Variants in DCC observed in about 807,000 individuals in gnomAD.
DCC encodes netrin receptor DCC.
DCC carries 58 observed loss-of-function variants against 172.5 expected under a neutral mutation model. The observed-to-expected ratio is 0.34, with a 90% CI of 0.27 to 0.42. DCC has a LOEUF of 0.42. Among genes scored for constraint, DCC ranks in the 10% least tolerant of loss-of-function variants. DCC has a pLI of 1.00. For synonymous variants in DCC, 709 were observed against 644.5 expected (o/e 1.10, Z -1.52); for missense variants, 1,740 against 1,791.0 (o/e 0.97, Z 0.51).
chr18:52,970,157 C>T (rs995445636), intron 5 of DCC, among the ~76,000 whole-genome samples: 1 of 152,016 alleles, frequency 6.6e-6, no homozygotes, highest in African/African-American at 2.4e-5. Flanking sequence ...TACTTAAATA[C>T]ACTGAATCTG....
intron 1 of DCC, among the ~76,000 whole-genome samples, chr18:52,559,988 T>C (rs1472155839): frequency 6.6e-6 from 1 of 152,228 alleles, no homozygotes; most frequent in Non-Finnish European, 1.5e-5. Flanking sequence ...ACTTAAAGAT[T>C]TTTTACATTG....
At chr18:52,642,451 G>T (rs2034927866) in intron 1 of DCC, among the ~76,000 whole-genome samples, 2 of 151,998 alleles carry the variant, frequency 1.3e-5, no homozygotes, top group African/African-American at 2.4e-5. Flanking sequence ...AACACCACCT[G>T]TTCCCCAATA....
chr18:53,260,397 C>G (rs540990938), intron 12 of DCC, among the ~76,000 whole-genome samples: 1 of 152,168 alleles, frequency 6.6e-6, no homozygotes, highest in Non-Finnish European at 1.5e-5. Flanking sequence ...GATGTCCTTT[C>G]TGTTTGTTAA....
intron 7 of DCC, among the ~76,000 whole-genome samples, chr18:53,126,236 G>C (rs2043554544): frequency 6.6e-6 from 1 of 152,052 alleles, no homozygotes; most frequent in South Asian, 2.1e-4. Context: ...AGTAACATAA[G>C]ACTTCTTGTT....
intron 7 of DCC, among the ~76,000 whole-genome samples, chr18:53,101,827 ATTT>A (rs2043176566): frequency 1.5e-5 from 2 of 136,214 alleles, no homozygotes; most frequent in African/African-American, 2.9e-5. Context: ...GTGTGTGTGT[ATTT>A]GTGTGTGTGT....
chr18:53,247,002 A>G (rs190983241), intron 12 of DCC, among the ~76,000 whole-genome samples: 16 of 152,164 alleles, frequency 1.1e-4, no homozygotes, highest in Admixed American at 9.8e-4. Flanking sequence ...GTTCTAAGTA[A>G]AGGAAACATT....
chr18:52,653,508 A>T (rs1360874358), intron 1 of DCC, among the ~76,000 whole-genome samples: 2 of 152,184 alleles, frequency 1.3e-5, no homozygotes, highest in Admixed American at 1.3e-4. Flanking sequence ...AATTACATCG[A>T]TGAATAATTG....
In DCC at chr18:53,521,495, T is replaced by C. The variant is rs566424250; in HGVS notation, c.4112-5122T>C. ...ATGCCTAGGAATTCATTTCTCTGCA[T>C]GTAAAACTGACAAAAAAATTGTGAT... On this transcript the variant is annotated intron_variant, in intron 27 of 28. Coordinates refer to ENST00000442544, the MANE Select transcript of DCC (RefSeq NM_005215.4). Among the ~76,000 whole-genome samples the C allele has an allele frequency of 2.0e-5, 3 of 152,260 alleles. No homozygotes were observed. In the East Asian group the frequency reaches 5.8e-4, roughly 29 times the overall value.
At chr18:52,958,349 A>G (rs2040781892) in intron 5 of DCC, among the ~76,000 whole-genome samples, 1 of 152,222 alleles carries the variant, frequency 6.6e-6, no homozygotes, top group East Asian at 1.9e-4. Context: ...TGTAACCTGT[A>G]ATTATTAATA....
chr18:52,382,547 A>G (rs1027746139), intron 1 of DCC, among the ~76,000 whole-genome samples: 7 of 152,132 alleles, frequency 4.6e-5, no homozygotes, highest in Admixed American at 1.3e-4. Flanking sequence ...TTTGTGGACT[A>G]TTGCAAGTAT....
At chr18:52,843,660 A>G (rs140947403) in intron 2 of DCC, among the ~76,000 whole-genome samples, 38 of 152,274 alleles carry the variant, frequency 2.5e-4, no homozygotes, top group African/African-American at 8.4e-4. Flanking sequence ...TCACATCATT[A>G]TTTTTAAAAA....
intron 1 of DCC, among the ~76,000 whole-genome samples, chr18:52,356,002 C>G (rs1430568592): frequency 6.6e-6 from 1 of 152,140 alleles, no homozygotes; most frequent in Non-Finnish European, 1.5e-5. Context: ...CAGAAAGCTT[C>G]TTAGTCCAGG....
intron 1 of DCC, among the ~76,000 whole-genome samples, chr18:52,505,483 A>T (rs968280853): frequency 6.6e-6 from 1 of 152,218 alleles, no homozygotes. Context: ...CAAAATATGT[A>T]TTTAAAGAAA....
At chr18:52,652,516 G>A (rs926696314) in intron 1 of DCC, among the ~76,000 whole-genome samples, 2 of 152,056 alleles carry the variant, frequency 1.3e-5, no homozygotes, top group African/African-American at 2.4e-5. Context: ...ACAGAAAGTT[G>A]AGCATGACTC....
rs576591928 is a variant in DCC, at chr18:53,407,389, C to T, written c.2936-3063C>T. On this transcript the variant is annotated intron_variant, in intron 19 of 28. Coordinates refer to ENST00000442544, the MANE Select transcript of DCC (RefSeq NM_005215.4). ...AATAAAAAAGTAATAAGATATGGCT[C>T]CTGAACTAAAGAAATGTTTTTATCC... Among the ~76,000 whole-genome samples, 6 of 150,724 alleles carry T rather than the reference C, an allele frequency of 4.0e-5. No homozygotes were observed. In the South Asian group the frequency reaches 6.3e-4, roughly 16 times the overall value.
At position 53,428,197 on chromosome 18, in the gene DCC, T is replaced by G. The variant is rs1307398006; in HGVS notation, c.3164-6947T>G. Among the ~76,000 whole-genome samples the G allele has an allele frequency of 1.7e-4, 5 of 29,334 alleles. 1 individual carries two copies. Among genetic ancestry groups the G allele is most frequent in the South Asian group, 8.7e-4 (1 of 1,154 alleles). 19.2% of individuals were successfully genotyped at this position (29,334 alleles called of 152,430 possible). A position where few individuals can be genotyped will look rare whatever the true frequency, so the allele number is the denominator to read the frequency against. On this transcript the variant is annotated intron_variant, in intron 21 of 28. Transcript: ENST00000442544. Reference sequence around the variant, plus strand: ...TATGTAATATATAATATAGAATATATAATATTATATATAAGTATATATAAT... The same window carrying G: ...TATGTAATATATAATATAGAATATAGAATATTATATATAAGTATATATAAT...
chr18:52,491,365 A>T (rs2030491263), intron 1 of DCC, among the ~76,000 whole-genome samples: 1 of 152,040 alleles, frequency 6.6e-6, no homozygotes, highest in South Asian at 2.1e-4. Flanking sequence ...GGTATGATAC[A>T]TAAAAGTAAA....
intron 12 of DCC, among the ~76,000 whole-genome samples, chr18:53,296,001 G>T (rs1284039528): frequency 6.6e-6 from 1 of 152,114 alleles, no homozygotes; most frequent in Non-Finnish European, 1.5e-5. Context: ...AATGTGAATG[G>T]TACCCTGCAC....
At chr18:53,188,550 C>T (rs2055320238) in intron 9 of DCC, among the ~76,000 whole-genome samples, 1 of 152,154 alleles carries the variant, frequency 6.6e-6, no homozygotes, top group Admixed American at 6.5e-5. Context: ...CACAATTTAC[C>T]TCAATTTCAT....
Sources: gnomAD v4.1 joint callset for allele counts (sites outside exome capture counted in the v4.1 genomes callset) on GRCh38, gnomAD v4.1.1 for gene constraint, MANE v1.5 for transcripts, NCBI Gene and HGNC (gene_info 2026-07-23, HGNC 2026-07-21) for gene names.